The following CIAO2A variants were observed in gnomAD, a reference collection of about 807,000 sequenced individuals.
CIAO2A encodes cytosolic iron-sulfur assembly component 2A.
A neutral mutation model predicts 22.4 loss-of-function variants in CIAO2A; 17 were observed. That is an observed-to-expected ratio of 0.76 (90% CI 0.52 to 1.14). The LOEUF (loss-of-function observed/expected upper bound fraction) is 1.14, where lower values mean the gene tolerates loss of function less well. Among genes scored for constraint, CIAO2A ranks in the 50% most tolerant of loss-of-function variants. CIAO2A has a pLI of 0.00. For missense variants in CIAO2A, 192 were observed against 191.4 expected (o/e 1.00, Z -0.02); for synonymous variants, 74 against 72.3 (o/e 1.02, Z -0.12).
At chr15:64,080,779 A>G (rs2080754061) in intron 3 of CIAO2A, among the ~76,000 whole-genome samples, 1 of 152,218 alleles carries the variant, frequency 6.6e-6, no homozygotes, top group South Asian at 2.1e-4. Flanking sequence ...GTGGGAACGC[A>G]GAATGGTGCA....
intron 2 of CIAO2A, among the ~76,000 whole-genome samples, chr15:64,084,414 A>T (rs1397654391): frequency 6.6e-6 from 1 of 152,140 alleles, no homozygotes; most frequent in East Asian, 1.9e-4. Context: ...ATACTTACAT[A>T]ATCTAACCCA....
intron 2 of CIAO2A, among the ~76,000 whole-genome samples, chr15:64,088,008 A>G (rs890717009): frequency 6.6e-6 from 1 of 152,206 alleles, no homozygotes; most frequent in African/African-American, 2.4e-5. Context: ...GAGCTTCTTC[A>G]TTCTTTTTTA....
chr15:64,078,165 C>T (rs1027123770), intron 3 of CIAO2A, among the ~76,000 whole-genome samples: 5 of 152,042 alleles, frequency 3.3e-5, no homozygotes, highest in Non-Finnish European at 7.4e-5. Flanking sequence ...AAAAGTTAAA[C>T]ATTGTAATTA....
At position 64,081,093 on chromosome 15, in the gene CIAO2A, C is replaced by A; in HGVS notation, c.339+9G>T. Reference sequence around the variant, plus strand: ...AACAACAACAACAACAAAAATACATCTTTCTTACCTTATGTTTAAATGGTA... The same window carrying A: ...AACAACAACAACAACAAAAATACATATTTCTTACCTTATGTTTAAATGGTA... On this transcript the variant is annotated intron_variant, in intron 3 of 4. Coordinates refer to ENST00000300030, the MANE Select transcript of CIAO2A (RefSeq NM_032231.7). 6.2e-7 allele frequency: 1 copy of A among 1,611,818 alleles called. No individual in the cohort carries two copies. The highest frequency in any genetic ancestry group is 1.1e-5 in the South Asian group (1 of 90,634).
At chr15:64,089,681 G>C (rs904400699) in intron 1 of CIAO2A, among the ~76,000 whole-genome samples, 1 of 152,190 alleles carries the variant, frequency 6.6e-6, no homozygotes, top group African/African-American at 2.4e-5. Context: ...TTTGAGACAA[G>C]TGACATGGAC....
At chr15:64,093,111 G>A (rs914997274) in intron 1 of CIAO2A, among the ~76,000 whole-genome samples, 29 of 152,202 alleles carry the variant, frequency 1.9e-4, no homozygotes, top group Non-Finnish European at 2.9e-5. Flanking sequence ...ACAAGGCCTT[G>A]CTACAAGAAG....
Position 64,079,729 on chromosome 15 carries a change from C to T in CIAO2A, c.339+1373G>A, listed in dbSNP as rs923213991. 1.1e-4 allele frequency among the ~76,000 whole-genome samples: 17 copies of T among 152,174 alleles called. 1 individual carries two copies. Among genetic ancestry groups the T allele is most frequent in the Admixed American group, 2.6e-4 (4 of 15,274 alleles). ...ATTACTATGAATTAACTGTGATATC[C>T]ATATTCTTGCTCAATAGTAGGGTTA... On this transcript the variant is annotated intron_variant, in intron 3 of 4. Coordinates refer to ENST00000300030, the MANE Select transcript of CIAO2A (RefSeq NM_032231.7).
chr15:64,082,531 T>C (rs962584084), intron 2 of CIAO2A, among the ~76,000 whole-genome samples: 6 of 152,138 alleles, frequency 3.9e-5, no homozygotes, highest in African/African-American at 9.7e-5. Context: ...CCCGACCTTA[T>C]AGAGTCTTGA....
intron 3 of CIAO2A, among the ~76,000 whole-genome samples, chr15:64,076,390 G>C (rs1270485986): frequency 2.0e-5 from 3 of 152,020 alleles, no homozygotes; most frequent in Non-Finnish European, 2.9e-5. Flanking sequence ...TCACAATATA[G>C]TTTTCAGCAT....
At position 64,093,693 on chromosome 15, in the gene CIAO2A, C is replaced by G; in HGVS notation, c.76G>C (p.Ala26Pro). ...LWLSGLSEPG[A>P]ARQPRIMEEK... ...TCCATGATCCGGGGCTGCCGGGCAG[C>G]TCCCGGCTCAGAGAGGCCGGAGAGC... The change falls in exon 1 of 5, where the codon GCT (alanine) becomes CCT (proline). Residue 26 changes from alanine to proline, a missense_variant. Transcript: ENST00000300030. 1 of 1,614,080 alleles carries G rather than the reference C, an allele frequency of 6.2e-7. No individual in the cohort carries two copies. The highest frequency in any genetic ancestry group is 8.5e-7 in the Non-Finnish European group (1 of 1,179,972).
intron 1 of CIAO2A, among the ~76,000 whole-genome samples, chr15:64,089,511 CAAAA>C (rs35882853): frequency 8.4e-6 from 1 of 119,522 alleles, no homozygotes; most frequent in Non-Finnish European, 1.9e-5. Flanking sequence ...GACCCTGTCT[CAAAA>C]AAAAAAAAAA....
At chr15:64,075,408 A>G in intron 4 of CIAO2A, 84 bp downstream of exon 4, 3 of 844,948 alleles carry the variant, frequency 3.6e-6, no homozygotes, top group Non-Finnish European at 5.4e-6. Context: ...AACCCAGTAG[A>G]TTCTTGGCTG....
At chr15:64,077,575 G>T (rs1405982233) in intron 3 of CIAO2A, among the ~76,000 whole-genome samples, 1 of 152,184 alleles carries the variant, frequency 6.6e-6, no homozygotes, top group Non-Finnish European at 1.5e-5. Context: ...GATGCAATGA[G>T]AACACATTTA....
intron 1 of CIAO2A, among the ~76,000 whole-genome samples, chr15:64,093,301 T>A (rs954591385): frequency 1.5e-4 from 23 of 152,170 alleles, no homozygotes; most frequent in African/African-American, 5.6e-4. Flanking sequence ...CAGCTTTGCT[T>A]CCTAACCAGG....
chr15:64,075,951 G>A (rs1186934156), intron 3 of CIAO2A, among the ~76,000 whole-genome samples: 3 of 151,150 alleles, frequency 2.0e-5, no homozygotes, highest in South Asian at 2.1e-4. Context: ...GAGCCACTGC[G>A]CCCAGCGCCC....
At chr15:64,088,926 A>C in intron 1 of CIAO2A, 75 bp from the exon 2 acceptor site, 2 of 1,390,508 alleles carry the variant, frequency 1.4e-6, no homozygotes, top group Non-Finnish European at 2.0e-6. Flanking sequence ...GCCAGGCCTA[A>C]TTTAAGCACT....
chr15:64,082,255 G>C (rs1395613462), intron 2 of CIAO2A, among the ~76,000 whole-genome samples: 5 of 152,118 alleles, frequency 3.3e-5, no homozygotes, highest in African/African-American at 1.2e-4. Context: ...TTGAGACAGA[G>C]TCTTGCTCTA....
chr15:64,084,431 C>T (rs1367429180), intron 2 of CIAO2A, among the ~76,000 whole-genome samples: 2 of 152,086 alleles, frequency 1.3e-5, no homozygotes, highest in African/African-American at 4.8e-5. Context: ...CCCAATTATT[C>T]CACGTATAGG....
intron 1 of CIAO2A, among the ~76,000 whole-genome samples, chr15:64,089,860 A>AT (rs1441797190): frequency 6.6e-6 from 1 of 152,224 alleles, no homozygotes; most frequent in African/African-American, 2.4e-5. Flanking sequence ...CATAGAGCAA[A>AT]TGAGTTCAAT....
Sources: allele counts gnomAD v4.1 joint callset (sites outside exome capture counted in the v4.1 genomes callset), GRCh38; gene constraint gnomAD v4.1.1; transcripts MANE v1.5; gene names NCBI Gene and HGNC (gene_info 2026-07-23, HGNC 2026-07-21).